The following DGAT2 variants were observed in gnomAD, a reference collection of about 807,000 sequenced individuals.
The protein encoded by DGAT2 is acyl-CoA retinol O-fatty-acyltransferase.
A neutral mutation model predicts 48.4 loss-of-function variants in DGAT2; 33 were observed. The ratio of observed to expected loss-of-function variants is 0.68; its 90% CI spans 0.52 to 0.91. The LOEUF is 0.91. Among genes scored for constraint, DGAT2 ranks in the 40% least tolerant of loss-of-function variants. DGAT2 has a pLI of 0.00. For missense variants in DGAT2, 446 were observed against 493.7 expected, an observed-to-expected ratio of 0.90 and a Z score of 0.92; for synonymous variants, 191 against 194.1, an observed-to-expected ratio of 0.98 and a Z score of 0.13.
chr11:75,796,980 G>C, intron 5 of DGAT2, 178 bp from the exon 6 acceptor site: 1 of 556,996 alleles, frequency 1.8e-6, no homozygotes. Flanking sequence ...TTTTACAGAT[G>C]AGGAAACTGA....
chr11:75,783,287 C>T (rs1237284311), intron 1 of DGAT2, among the ~76,000 whole-genome samples: 2 of 152,208 alleles, frequency 1.3e-5, no homozygotes, highest in African/African-American at 4.8e-5. Context: ...CCCTCTGATG[C>T]ATCACACCAG....
chr11:75,783,165 A>G (rs548026076), intron 1 of DGAT2, among the ~76,000 whole-genome samples: 73 of 152,250 alleles, frequency 4.8e-4, no homozygotes, highest in African/African-American at 1.6e-3. Context: ...TGAACACCCA[A>G]TTTGTGCACT....
chr11:75,786,865 C>CTTT (rs1421723388), intron 2 of DGAT2, among the ~76,000 whole-genome samples: 7 of 152,138 alleles, frequency 4.6e-5, no homozygotes, highest in African/African-American at 1.7e-4. Context: ...GGCCTATGCC[C>CTTT]TTTCTCAGTG....
intron 2 of DGAT2, among the ~76,000 whole-genome samples, chr11:75,785,508 T>C (rs1944912187): frequency 6.6e-6 from 1 of 152,182 alleles, no homozygotes; most frequent in African/African-American, 2.4e-5. Context: ...ATACCCTCAC[T>C]CCTTAGGTTG....
chr11:75,796,895 C>T (rs930828216), intron 5 of DGAT2: 1 of 445,054 alleles, frequency 2.2e-6, no homozygotes, highest in African/African-American at 2.0e-5. Flanking sequence ...CTCGCACCGA[C>T]TTGGCAGAAT....
chr11:75,797,182 C>T lies in DGAT2; in HGVS notation c.659C>T (p.Thr220Ile). 1.3e-6 allele frequency: 2 copies of T among 1,537,130 alleles called. No homozygotes were observed. The highest frequency in any genetic ancestry group is 8.8e-7 in the Non-Finnish European group (1 of 1,138,778). ...SGGICPVSRD[T>I]IDYLLSKNGS... ...GGTATCTGCCCTGTCAGCCGGGACA[C>T]CATAGACTATTTGCTTTCAAAGAAT... The change falls in exon 6 of 8, where the codon ACC (threonine) becomes ATC (isoleucine). Residue 220 changes from threonine to isoleucine, a missense_variant. Transcript: ENST00000228027.
rs772143127 is a variant in DGAT2 at position 75,797,302 on chromosome 11, A to G, written c.779A>G (p.Lys260Arg). ...AATGCAGTCACCCTGCGGAACCGCA[A>G]GGGCTTTGTGAAACTGGCCCTGCGT... Reference protein sequence around the residue: ...GKNAVTLRNRKGFVKLALRHG... With the variant: ...GKNAVTLRNRRGFVKLALRHG... The change falls in exon 6 of 8, where the codon AAG becomes AGG. Residue 260 changes from lysine (K) to arginine (R), a missense_variant. By Grantham distance (26) the Lys-to-Arg change is conservative (BLOSUM62 2). Coordinates refer to ENST00000228027, the MANE Select transcript of DGAT2 (RefSeq NM_032564.5). 1.2e-5 allele frequency: 18 copies of G among 1,543,954 alleles called. No homozygotes were observed. Among genetic ancestry groups the G allele is most frequent in the Admixed American group, 9.6e-5 (5 of 52,102 alleles).
intron 2 of DGAT2, among the ~76,000 whole-genome samples, chr11:75,786,118 G>T (rs1944920186): frequency 2.0e-5 from 3 of 152,188 alleles, no homozygotes; most frequent in Admixed American, 2.0e-4. Context: ...GGCCATAGCT[G>T]TCCTCAAAGT....
chr11:75,787,707 G>A (rs777388473), intron 2 of DGAT2, among the ~76,000 whole-genome samples: 11 of 152,246 alleles, frequency 7.2e-5, no homozygotes, highest in South Asian at 6.2e-4. Flanking sequence ...GGTGGATTTA[G>A]TTCATCCTTT....
chr11:75,768,861 C>A lies in DGAT2; in HGVS notation c.-131C>A. 1.7e-6 allele frequency: 2 copies of A among 1,206,612 alleles called. No individual in the cohort carries two copies. Among genetic ancestry groups the A allele is most frequent in the Non-Finnish European group, 2.1e-6 (2 of 938,640 alleles). The allele number at this position is 1,206,612 out of a possible 1,614,324, so 74.7% of individuals were successfully genotyped here. On this transcript the variant is annotated 5_prime_UTR_variant, in exon 1 of 8. Coordinates refer to ENST00000228027, the MANE Select transcript of DGAT2 (RefSeq NM_032564.5). ...CCGGCCGCAGCTCCAGGTGTCCTAG[C>A]CGCCCAGCCTCGACGCCGTCCCGGG... is the stretch of plus-strand genomic sequence containing the variant.
At chr11:75,796,169 T>G (rs41302443) in intron 4 of DGAT2, 159 bp from the exon 5 acceptor site, 10,108 of 677,410 alleles carry the variant, frequency 0.015, 112 homozygotes, top group Non-Finnish European at 0.019. Flanking sequence ...ACTGTGGCCC[T>G]GGGGATGAGA....
intron 1 of DGAT2, among the ~76,000 whole-genome samples, chr11:75,771,165 CA>C (rs144874742): frequency 6.7e-6 from 1 of 149,688 alleles, no homozygotes; most frequent in African/African-American, 2.5e-5. Flanking sequence ...GTTTCTTGGC[CA>C]AAAAAAAAGG....
At chr11:75,793,831 G>A (rs1176481592) in intron 4 of DGAT2, 1 of 152,166 alleles carries the variant, frequency 6.6e-6, no homozygotes, top group Non-Finnish European at 1.5e-5. Context: ...ATCAAAACTA[G>A]CACAAGGAAC....
intron 1 of DGAT2, among the ~76,000 whole-genome samples, chr11:75,772,939 A>G (rs1002825798): frequency 6.6e-6 from 1 of 152,194 alleles, no homozygotes; most frequent in African/African-American, 2.4e-5. Flanking sequence ...ACAGTGAGCC[A>G]AGGTTGTGCT....
At chr11:75,781,328 A>T (rs1944860418) in intron 1 of DGAT2, among the ~76,000 whole-genome samples, 1 of 152,204 alleles carries the variant, frequency 6.6e-6, no homozygotes, top group Non-Finnish European at 1.5e-5. Context: ...TTATCAGGGA[A>T]TCATCAGGTA....
intron 1 of DGAT2, among the ~76,000 whole-genome samples, chr11:75,772,711 C>T (rs1047086973): frequency 1.3e-5 from 2 of 152,186 alleles, no homozygotes; most frequent in Non-Finnish European, 2.9e-5. Flanking sequence ...TTGCCGGCCG[C>T]GTGCCATGGC....
At chr11:75,781,046 A>C (rs1944857809) in intron 1 of DGAT2, among the ~76,000 whole-genome samples, 1 of 152,216 alleles carries the variant, frequency 6.6e-6, no homozygotes, top group Non-Finnish European at 1.5e-5. Flanking sequence ...TGTGATGGAG[A>C]ATCAGCTTGT....
chr11:75,769,173 G>A, intron 1 of DGAT2, 61 bp downstream of exon 1: 1 of 1,503,720 alleles, frequency 6.7e-7, no homozygotes, highest in African/African-American at 1.5e-5. Flanking sequence ...AGGGCCCTGT[G>A]GCAGGCTGGT....
chr11:75,779,830 C>T, intron 1 of DGAT2, among the ~76,000 whole-genome samples: 1 of 152,242 alleles, frequency 6.6e-6, no homozygotes, highest in East Asian at 1.9e-4. Context: ...CATCCCCCAT[C>T]TCTGGGGTCA....
Sources: gnomAD v4.1 joint callset for allele counts (sites outside exome capture counted in the v4.1 genomes callset) on GRCh38, gnomAD v4.1.1 for gene constraint, MANE v1.5 for transcripts, NCBI Gene and HGNC (gene_info 2026-07-23, HGNC 2026-07-21) for gene names.